SCPEP1: variants seen among roughly 807,000 people sequenced by gnomAD.
SCPEP1 encodes the protein serine carboxypeptidase 1.
Under a neutral mutation model 63.8 loss-of-function variants are expected in SCPEP1, and 51 were observed. That is an observed-to-expected ratio of 0.80 (90% CI 0.64 to 1.01). The LOEUF (loss-of-function observed/expected upper bound fraction) is 1.01, where lower values mean the gene tolerates loss of function less well. Ranked by LOEUF, SCPEP1 falls within the 50% of genes least tolerant of loss-of-function variation. The pLI is 0.00. For synonymous variants in SCPEP1, 204 were observed against 207.8 expected (o/e 0.98, Z 0.16); for missense variants, 499 against 554.9 (o/e 0.90, Z 1.01).
chr17:56,991,997 CG>C (rs1911414353), intron 6 of SCPEP1, among the ~76,000 whole-genome samples: 1 of 152,104 alleles, frequency 6.6e-6, no homozygotes, highest in South Asian at 2.1e-4. Flanking sequence ...ACCAAACTAT[CG>C]AGTTAGAAAT....
intron 7 of SCPEP1, 43 bp downstream of exon 7, chr17:56,995,061 C>T: frequency 6.5e-7 from 1 of 1,536,418 alleles, no homozygotes; most frequent in Non-Finnish European, 9.0e-7. Context: ...AACAGCCCAG[C>T]AGATCTCTTC....
rs1567861859 is a variant in SCPEP1, at chr17:56,978,199, T to TTGCTGC, written c.47_52dup (p.Leu16_Leu17dup). 1.3e-6 allele frequency: 2 copies of TTGCTGC among 1,567,104 alleles called. No homozygotes were observed. Among genetic ancestry groups the TTGCTGC allele is most frequent in the East Asian group, 4.6e-5 (2 of 43,296 alleles). On this transcript the variant is annotated inframe_insertion, in exon 1 of 13. Transcript: ENST00000262288. ...GCGGCGCTCTCCCGTCCCGCGGTGG[T>TTGCTGC]TGCTGCTGCTGCCGCTGCTGCTGGG... is the stretch of plus-strand genomic sequence containing the variant.
intron 3 of SCPEP1, 53 bp downstream of exon 3, chr17:56,985,520 C>T: frequency 1.5e-6 from 2 of 1,368,524 alleles, no homozygotes; most frequent in Non-Finnish European, 2.1e-6. Context: ...TCTCAGAGGC[C>T]CTGCCCAACT....
intron 1 of SCPEP1, 99 bp downstream of exon 1, chr17:56,978,334 TC>T: frequency 1.5e-6 from 2 of 1,357,428 alleles, no homozygotes; most frequent in Non-Finnish European, 1.9e-6. Context: ...ATGTCTCTTT[TC>T]CCCGGTTCTT....
intron 2 of SCPEP1, chr17:56,983,462 A>T (rs981996205): frequency 2.6e-5 from 4 of 152,254 alleles, no homozygotes; most frequent in Non-Finnish European, 5.9e-5. Context: ...ATATTGCATT[A>T]TAAATATTTT....
chr17:56,978,186 C>G lies in SCPEP1; in HGVS notation c.27C>G (p.Pro9=), dbSNP rs1447784776. MELALRRS[P]VPRWLLLLPL... Reference sequence around the variant, plus strand: ...TGGAGCTGGCACTGCGGCGCTCTCCCGTCCCGCGGTGGTTGCTGCTGCTGC... The same window carrying G: ...TGGAGCTGGCACTGCGGCGCTCTCCGGTCCCGCGGTGGTTGCTGCTGCTGC... The change falls in exon 1 of 13, where the codon CCC becomes CCG. Residue 9 remains proline, a synonymous_variant. Transcript: ENST00000262288. The G allele has an allele frequency of 1.9e-6, 3 of 1,561,870 alleles. No homozygotes were observed. The highest frequency in any genetic ancestry group is 2.6e-6 in the Non-Finnish European group (3 of 1,155,852).
chr17:56,985,840 T>A (rs1203081832), intron 3 of SCPEP1, among the ~76,000 whole-genome samples: 1 of 151,908 alleles, frequency 6.6e-6, no homozygotes, highest in Admixed American at 6.6e-5. Context: ...TCTCCTATCC[T>A]CCTACTTGTA....
At chr17:56,978,956 C>A (rs1417464197) in intron 1 of SCPEP1, among the ~76,000 whole-genome samples, 1 of 152,140 alleles carries the variant, frequency 6.6e-6, no homozygotes, top group Non-Finnish European at 1.5e-5. Flanking sequence ...TAGTCACTGC[C>A]AGGCAAGGGA....
At position 57,002,042 on chromosome 17, in the gene SCPEP1, T is replaced by C. The variant is rs746785694; in HGVS notation, c.1157T>C (p.Leu386Pro). The C allele has an allele frequency of 9.9e-6, 16 of 1,614,012 alleles. No individual in the cohort carries two copies. The Admixed American group carries it at 2.0e-4, about 20-fold the overall frequency. The change falls in exon 12 of 13, where the codon CTG becomes CCG. Residue 386 changes from leucine (L) to proline (P), a missense_variant. Transcript: ENST00000262288. Reference protein sequence around the residue: ...TMGQEAWVRKLKWPELPKFSQ... With the variant: ...TMGQEAWVRKPKWPELPKFSQ... ...GGTCAGGAGGCCTGGGTGCGGAAAC[T>C]GAAGTGGCCAGAACTGCCTAAATTC...
intron 12 of SCPEP1, among the ~76,000 whole-genome samples, chr17:57,004,282 C>G (rs1176666731): frequency 1.3e-5 from 2 of 152,204 alleles, no homozygotes; most frequent in African/African-American, 4.8e-5. Context: ...CTCAGCTGCT[C>G]TGGAGGCTGA....
At chr17:57,001,047 G>A in intron 11 of SCPEP1, 55 bp downstream of exon 11, 1 of 1,592,222 alleles carries the variant, frequency 6.3e-7, no homozygotes, top group Non-Finnish European at 8.6e-7. Flanking sequence ...TCAACTGGAA[G>A]GGAACTGGCC....
In SCPEP1 at chr17:57,006,625, T is replaced by C. The variant is rs1202050585; in HGVS notation, c.*390T>C. ...CTGTTACCAATTTAGCATATGTCCTTGCAGAATTTTTTTTTCTATATATAC... is the reference window on the plus strand; with the variant it reads ...CTGTTACCAATTTAGCATATGTCCTCGCAGAATTTTTTTTTCTATATATAC... On this transcript the variant is annotated 3_prime_UTR_variant, in exon 13 of 13. Transcript: ENST00000262288. 1.3e-5 allele frequency: 2 copies of C among 154,424 alleles called. No homozygotes were observed. The highest frequency in any genetic ancestry group is 4.8e-5 in the African/African-American group (2 of 41,560). 9.6% of individuals were successfully genotyped at this position (154,424 alleles called of 1,614,324 possible).
chr17:56,979,841 T>C (rs188257869), intron 1 of SCPEP1, among the ~76,000 whole-genome samples: 2 of 152,322 alleles, frequency 1.3e-5, no homozygotes, highest in East Asian at 3.9e-4. Context: ...TCATTGTTTC[T>C]TTTGTACAGT....
At chr17:56,997,119 A>T in intron 9 of SCPEP1, 64 bp downstream of exon 9, 2 of 945,942 alleles carry the variant, frequency 2.1e-6, no homozygotes, top group Non-Finnish European at 3.1e-6. Flanking sequence ...AAACCTGTTT[A>T]TTAAAAAAAA....
Position 56,988,218 on chromosome 17 carries a change from A to G in SCPEP1, c.474A>G (p.Thr158=), listed in dbSNP as rs775047571. 1.1e-5 allele frequency: 18 copies of G among 1,607,990 alleles called. No individual in the cohort carries two copies. The highest frequency in any genetic ancestry group is 1.5e-5 in the Non-Finnish European group (18 of 1,175,424). The change falls in exon 5 of 13, where the codon ACA becomes ACG. Residue 158 remains threonine (T), a splice_region_variant and synonymous_variant. Coordinates refer to ENST00000262288, the MANE Select transcript of SCPEP1 (RefSeq NM_021626.3). ...TGTGTAATTCCTTTTCTTGCTAGAC[A>G]GTTCCATTCTACATTTTCTCAGAGT... ...TFFSCHKEFQ[T]VPFYIFSESY...
At chr17:56,982,042 C>G (rs1854725814) in intron 2 of SCPEP1, among the ~76,000 whole-genome samples, 1 of 152,168 alleles carries the variant, frequency 6.6e-6, no homozygotes, top group Admixed American at 6.5e-5. Context: ...ACCTTGAGCT[C>G]TGATTGTAGG....
intron 10 of SCPEP1, among the ~76,000 whole-genome samples, chr17:56,999,981 TAAAA>T (rs761068231): frequency 1.9e-5 from 2 of 103,838 alleles, no homozygotes; most frequent in African/African-American, 3.6e-5. Flanking sequence ...AAACTCTGTC[TAAAA>T]AAAAAAAAAA....
intron 8 of SCPEP1, among the ~76,000 whole-genome samples, chr17:56,996,079 G>A (rs1400875501): frequency 6.6e-6 from 1 of 152,076 alleles, no homozygotes. Flanking sequence ...TTTTTTCCCT[G>A]CAGGGCCTGA....
At chr17:56,988,827 T>G (rs933155221) in intron 5 of SCPEP1, among the ~76,000 whole-genome samples, 12 of 151,988 alleles carry the variant, frequency 7.9e-5, no homozygotes, top group Non-Finnish European at 1.3e-4. Flanking sequence ...CTTTGGAAAA[T>G]AGAAAACTTG....
Sources: allele counts gnomAD v4.1 joint callset (sites outside exome capture counted in the v4.1 genomes callset), GRCh38; gene constraint gnomAD v4.1.1; transcripts MANE v1.5; gene names NCBI Gene and HGNC (gene_info 2026-07-23, HGNC 2026-07-21).